GABRG3: variants seen among roughly 807,000 people sequenced by gnomAD.
GABRG3 encodes the protein gamma-aminobutyric acid type A receptor subunit gamma3.
Under a neutral mutation model 48.8 loss-of-function variants are expected in GABRG3, and 25 were observed. The ratio of observed to expected loss-of-function variants is 0.51; its 90% CI spans 0.37 to 0.72. The LOEUF is 0.72. Among genes scored for constraint, GABRG3 ranks in the 30% least tolerant of loss-of-function variants. GABRG3 has a pLI of 0.00. For synonymous variants in GABRG3, 227 were observed against 217.6 expected (o/e 1.04, Z -0.38); for missense variants, 394 against 577.9 (o/e 0.68, Z 3.26).
intron 9 of GABRG3, chr15:27,530,543 A>T: frequency 6.5e-6 from 3 of 459,428 alleles, no homozygotes; most frequent in African/African-American, 4.0e-5. Flanking sequence ...TATTTTCAAT[A>T]TTGTAAATAT....
intron 6 of GABRG3, among the ~76,000 whole-genome samples, chr15:27,496,825 T>C (rs572208631): frequency 4.1e-4 from 62 of 152,316 alleles, no homozygotes; most frequent in South Asian, 8.3e-4. Context: ...GAAAAATGTT[T>C]GGTGATTCTT....
At chr15:27,501,587 C>G (rs958025449) in intron 6 of GABRG3, among the ~76,000 whole-genome samples, 12 of 152,254 alleles carry the variant, frequency 7.9e-5, no homozygotes, top group Middle Eastern at 3.4e-3. Flanking sequence ...CAGCTCATCT[C>G]TCACTCTTGA....
At chr15:27,005,446 T>G (rs1595467893) in intron 2 of GABRG3, among the ~76,000 whole-genome samples, 1 of 152,294 alleles carries the variant, frequency 6.6e-6, no homozygotes, top group African/African-American at 2.4e-5. Flanking sequence ...ATTTTTATTT[T>G]TAAGTTAAAA....
chr15:27,055,451 C>G (rs1303256827), intron 3 of GABRG3, among the ~76,000 whole-genome samples: 2 of 152,176 alleles, frequency 1.3e-5, no homozygotes, highest in African/African-American at 4.8e-5. Context: ...ATCTGAAAAT[C>G]GGAAATCCAG....
At chr15:27,054,110 G>A (rs914964111) in intron 3 of GABRG3, among the ~76,000 whole-genome samples, 4 of 151,978 alleles carry the variant, frequency 2.6e-5, no homozygotes, top group African/African-American at 9.7e-5. Context: ...AAAATAGCAC[G>A]CACCTGTAAT....
At chr15:27,522,766 C>T (rs1891189184) in intron 7 of GABRG3, among the ~76,000 whole-genome samples, 1 of 151,792 alleles carries the variant, frequency 6.6e-6, no homozygotes, top group Admixed American at 6.6e-5. Flanking sequence ...ACAAAACATT[C>T]ATAAATGTGC....
At chr15:27,176,844 C>T (rs1887761984) in intron 3 of GABRG3, among the ~76,000 whole-genome samples, 1 of 152,098 alleles carries the variant, frequency 6.6e-6, no homozygotes, top group Non-Finnish European at 1.5e-5. Flanking sequence ...GCCCAGCTAC[C>T]TGCGTTTACT....
chr15:27,076,316 GTCT>G (rs768321308), intron 3 of GABRG3, among the ~76,000 whole-genome samples: 1 of 135,814 alleles, frequency 7.4e-6, no homozygotes, highest in Non-Finnish European at 1.6e-5. Flanking sequence ...TGAGCCAACT[GTCT>G]TTTTTTTTTT....
At chr15:27,355,550 A>G (rs1334186344) in intron 5 of GABRG3, among the ~76,000 whole-genome samples, 1 of 152,226 alleles carries the variant, frequency 6.6e-6, no homozygotes, top group Non-Finnish European at 1.5e-5. Flanking sequence ...TACTTCGGAA[A>G]ACAGTTTGGC....
chr15:27,130,670 A>G (rs1116883), intron 3 of GABRG3, among the ~76,000 whole-genome samples: 50,368 of 151,928 alleles, frequency 0.33, 8,913 homozygotes, highest in Middle Eastern at 0.4. Flanking sequence ...TTCGACCTGT[A>G]AACACAGAAT....
chr15:27,501,155 G>T (rs1047561841), intron 6 of GABRG3, among the ~76,000 whole-genome samples: 3 of 152,056 alleles, frequency 2.0e-5, no homozygotes, highest in Non-Finnish European at 4.4e-5. Flanking sequence ...GTTTCACCGT[G>T]TTAACCAGGA....
intron 3 of GABRG3, among the ~76,000 whole-genome samples, chr15:27,104,060 A>G (rs1267789913): frequency 1.3e-5 from 2 of 152,208 alleles, no homozygotes; most frequent in Non-Finnish European, 2.9e-5. Context: ...TACCAAGTTG[A>G]GGTAGTTTCA....
intron 3 of GABRG3, among the ~76,000 whole-genome samples, chr15:27,308,576 G>A (rs1165916315): frequency 6.9e-6 from 1 of 145,310 alleles, no homozygotes; most frequent in Non-Finnish European, 1.5e-5. Flanking sequence ...TAAACATAAT[G>A]TAAACATACA....
At chr15:27,469,247 G>A (rs1889709634) in intron 5 of GABRG3, among the ~76,000 whole-genome samples, 1 of 152,076 alleles carries the variant, frequency 6.6e-6, no homozygotes, top group Non-Finnish European at 1.5e-5. Context: ...TTCTGCAGTT[G>A]TCTTTTTTAC....
intron 7 of GABRG3, among the ~76,000 whole-genome samples, chr15:27,526,323 G>T (rs1003868350): frequency 6.6e-6 from 1 of 152,190 alleles, no homozygotes; most frequent in African/African-American, 2.4e-5. Context: ...TGCAGCAAAG[G>T]TGGAAAGTAA....
intron 3 of GABRG3, among the ~76,000 whole-genome samples, chr15:27,313,899 C>T (rs929836985): frequency 1.3e-5 from 2 of 151,852 alleles, no homozygotes; most frequent in African/African-American, 4.8e-5. Flanking sequence ...AACAACCTAA[C>T]TTTACATCTC....
chr15:27,345,185 G>T lies in GABRG3; in HGVS notation c.574+16297G>T, dbSNP rs537670131. Among the ~76,000 whole-genome samples the T allele has an allele frequency of 7.9e-5, 12 of 152,172 alleles. 1 individual carries two copies. In the East Asian group the frequency reaches 1.5e-3, roughly 20 times the overall value. On this transcript the variant is annotated intron_variant, in intron 5 of 9. Transcript: ENST00000615808. The stretch of plus-strand genomic sequence containing the variant: ...CTGTCTTTTATTTGACATATTTAGA[G>T]CATTTACACTTAAAGTGATTATGAA...
chr15:27,263,407 A>G (rs1396119345), intron 3 of GABRG3, among the ~76,000 whole-genome samples: 1 of 152,124 alleles, frequency 6.6e-6, no homozygotes, highest in Non-Finnish European at 1.5e-5. Context: ...TGTTCCTTCT[A>G]TGACAGAAAC....
At chr15:27,491,901 T>C (rs1890365059) in intron 6 of GABRG3, among the ~76,000 whole-genome samples, 1 of 152,228 alleles carries the variant, frequency 6.6e-6, no homozygotes, top group Non-Finnish European at 1.5e-5. Context: ...ATTTTCTTCT[T>C]ATTACCCCAT....
Sources: allele counts gnomAD v4.1 joint callset (sites outside exome capture counted in the v4.1 genomes callset), GRCh38; gene constraint gnomAD v4.1.1; transcripts MANE v1.5; gene names NCBI Gene and HGNC (gene_info 2026-07-23, HGNC 2026-07-21).